COP1: variants seen among roughly 807,000 people sequenced by gnomAD.
The protein encoded by COP1 is E3 ubiquitin-protein ligase COP1.
A neutral mutation model predicts 101.3 loss-of-function variants in COP1; 24 were observed. The ratio of observed to expected loss-of-function variants is 0.24; its 90% CI spans 0.17 to 0.33. COP1 has a LOEUF of 0.33. Ranked by LOEUF, COP1 falls within the 10% of genes least tolerant of loss-of-function variation. The probability of loss-of-function intolerance (pLI) is 1.00; values close to 1 mark genes in which losing one functional copy is unlikely to be tolerated. For missense variants in COP1, 663 were observed against 906.2 expected (o/e 0.73, Z 3.45); for synonymous variants, 347 against 341.9 (o/e 1.01, Z -0.17).
Position 176,206,553 on chromosome 1 carries a change from G to C in COP1, c.407+19C>G. ...AACTCATAATTTAGGGACAAGGAGG[G>C]AGTGCTCTTCAAACCCACCATACGA... On this transcript the variant is annotated intron_variant, in intron 1 of 19. Transcript: ENST00000367669. 1 of 1,600,976 alleles carries C rather than the reference G, an allele frequency of 6.2e-7. No homozygotes were observed. The highest frequency in any genetic ancestry group is 8.5e-7 in the Non-Finnish European group (1 of 1,177,392).
intron 9 of COP1, among the ~76,000 whole-genome samples, chr1:176,088,115 G>A (rs1274338010): frequency 6.6e-6 from 1 of 152,072 alleles, no homozygotes; most frequent in Non-Finnish European, 1.5e-5. Context: ...GGGGTGGGGG[G>A]ATGGGTGAGG....
At chr1:176,002,791 A>T (rs61822763) in intron 15 of COP1, among the ~76,000 whole-genome samples, 5,446 of 93,418 alleles carry the variant, frequency 0.058, no homozygotes, top group South Asian at 0.069. Flanking sequence ...AGTCTTTGCT[A>T]TTGTGAATAA....
intron 1 of COP1, among the ~76,000 whole-genome samples, chr1:176,188,112 A>G (rs1317000070): frequency 6.6e-6 from 1 of 151,886 alleles, no homozygotes; most frequent in Non-Finnish European, 1.5e-5. Context: ...GTGGAGGCTG[A>G]ATTTCCCAGC....
At position 175,967,477 on chromosome 1, in the gene COP1, C is replaced by T. The variant is rs139544984; in HGVS notation, c.2133+19466G>A. Among the ~76,000 whole-genome samples the T allele has an allele frequency of 2.7e-3, 398 of 149,762 alleles. 3 individuals are homozygous for T. Among genetic ancestry groups the T allele is most frequent in the African/African-American group, 9.4e-3 (380 of 40,600 alleles). On this transcript the variant is annotated intron_variant, in intron 18 of 19. Coordinates refer to ENST00000367669, the MANE Select transcript of COP1 (RefSeq NM_022457.7). ...CTCCAACCTGGGTGACACAGTGAGA[C>T]TCAGTCTCAAAAAACAAACAAACAA...
chr1:176,007,126 T>C (rs1177327238), intron 15 of COP1, among the ~76,000 whole-genome samples: 1 of 152,228 alleles, frequency 6.6e-6, no homozygotes, highest in East Asian at 1.9e-4. Context: ...TTTCTTCCAG[T>C]TGATCGCATC....
chr1:175,992,240 T>A (rs1433007778), intron 15 of COP1, among the ~76,000 whole-genome samples: 1 of 152,124 alleles, frequency 6.6e-6, no homozygotes, highest in South Asian at 2.1e-4. Context: ...TTTTCAGTTA[T>A]TTAAAAATGT....
intron 9 of COP1, among the ~76,000 whole-genome samples, chr1:176,093,350 A>G (rs1173727235): frequency 6.6e-6 from 1 of 152,128 alleles, no homozygotes; most frequent in African/African-American, 2.4e-5. Flanking sequence ...ATTCCTTTGT[A>G]GGTACCAACA....
intron 9 of COP1, among the ~76,000 whole-genome samples, chr1:176,108,554 T>G (rs1188521207): frequency 6.6e-6 from 1 of 152,132 alleles, no homozygotes; most frequent in Non-Finnish European, 1.5e-5. Context: ...CCACTCTCCC[T>G]TCCTCCACCT....
rs142552159 is a variant in COP1, at chr1:176,067,572, G to C, written c.1277+13580C>G. On this transcript the variant is annotated intron_variant, in intron 11 of 19. Coordinates refer to ENST00000367669, the MANE Select transcript of COP1 (RefSeq NM_022457.7). ...CTGGCCACTGAGCGGCCCGACTCCA[G>C]GGGAAACCCACTTTCCCACTCTATC... is the stretch of plus-strand genomic sequence containing the variant. Among the ~76,000 whole-genome samples, 942 of 152,184 alleles carry C rather than the reference G, an allele frequency of 6.2e-3. 14 individuals are homozygous for C. Among genetic ancestry groups the C allele is most frequent in the African/African-American group, 0.021 (888 of 41,512 alleles).
intron 11 of COP1, among the ~76,000 whole-genome samples, chr1:176,058,186 G>GGT (rs1674113568): frequency 9.6e-6 from 1 of 104,672 alleles, no homozygotes; most frequent in Non-Finnish European, 2.1e-5. Context: ...GGTAGGGAGG[G>GGT]GGGGGGTCAG....
At position 176,006,553 on chromosome 1, in the gene COP1, A is replaced by G. The variant is rs952247367; in HGVS notation, c.1730-17074T>C. Among the ~76,000 whole-genome samples the G allele has an allele frequency of 2.6e-3, 396 of 152,198 alleles. 3 individuals are homozygous for G. The highest frequency in any genetic ancestry group is 9.1e-3 in the African/African-American group (378 of 41,520). On this transcript the variant is annotated intron_variant, in intron 15 of 19. Coordinates refer to ENST00000367669, the MANE Select transcript of COP1 (RefSeq NM_022457.7). ...TTTTAGGGCAGGCCTGGTGGTGACA[A>G]AATCCCTCAGCATTTGCTGGTCTGT...
chr1:176,000,513 C>A (rs1197687419), intron 15 of COP1, among the ~76,000 whole-genome samples: 1 of 151,964 alleles, frequency 6.6e-6, no homozygotes, highest in Non-Finnish European at 1.5e-5. Context: ...ATGGCTATGA[C>A]AACATTAGAA....
At chr1:176,076,854 A>T (rs1159725755) in intron 11 of COP1, among the ~76,000 whole-genome samples, 2 of 152,202 alleles carry the variant, frequency 1.3e-5, no homozygotes, top group Non-Finnish European at 2.9e-5. Flanking sequence ...CTATGCACAG[A>T]CTAGAAAATC....
At chr1:176,100,245 C>A in intron 9 of COP1, 1 of 245,532 alleles carries the variant, frequency 4.1e-6, no homozygotes, top group Non-Finnish European at 8.5e-6. Context: ...CAAAACTTAC[C>A]AGGTGTGGAG....
intron 1 of COP1, among the ~76,000 whole-genome samples, chr1:176,200,574 A>G (rs911419717): frequency 7.2e-5 from 11 of 152,230 alleles, no homozygotes; most frequent in African/African-American, 2.7e-4. Flanking sequence ...CAGAAATACA[A>G]TAAACAGAAA....
At chr1:176,114,712 C>A (rs998399675) in intron 9 of COP1, among the ~76,000 whole-genome samples, 31 of 152,002 alleles carry the variant, frequency 2.0e-4, no homozygotes, top group Non-Finnish European at 4.3e-4. Flanking sequence ...CTTAGCCTCC[C>A]AAGTAGCTGA....
At chr1:176,153,743 T>C (rs530614671) in intron 5 of COP1, among the ~76,000 whole-genome samples, 3 of 152,318 alleles carry the variant, frequency 2.0e-5, no homozygotes, top group African/African-American at 7.2e-5. Flanking sequence ...ATGGCCCTTA[T>C]TATTTTGCGG....
chr1:175,999,176 T>C (rs1283862111), intron 15 of COP1, among the ~76,000 whole-genome samples: 1 of 152,112 alleles, frequency 6.6e-6, no homozygotes, highest in Non-Finnish European at 1.5e-5. Context: ...AGTCACCTCG[T>C]TATGCTACCA....
intron 18 of COP1, among the ~76,000 whole-genome samples, chr1:175,959,252 T>C (rs1258997620): frequency 6.6e-6 from 1 of 152,050 alleles, no homozygotes; most frequent in East Asian, 1.9e-4. Context: ...TAATATACTT[T>C]AGCATTCATT....
Sources: allele counts gnomAD v4.1 joint callset (sites outside exome capture counted in the v4.1 genomes callset), GRCh38; gene constraint gnomAD v4.1.1; transcripts MANE v1.5; gene names NCBI Gene and HGNC (gene_info 2026-07-23, HGNC 2026-07-21).